Variants in NFE2L2 observed in about 807,000 individuals in gnomAD.
The protein encoded by NFE2L2 is NFE2 like bZIP transcription factor 2, also known as nuclear factor erythroid 2-related factor 2.
Under a neutral mutation model 49.6 loss-of-function variants are expected in NFE2L2, and 20 were observed. The ratio of observed to expected loss-of-function variants is 0.40; its 90% CI spans 0.28 to 0.59. The LOEUF (loss-of-function observed/expected upper bound fraction) is 0.59, where lower values mean the gene tolerates loss of function less well. NFE2L2 is among the 20% of genes least tolerant of loss of function. The pLI, the probability that NFE2L2 is intolerant of heterozygous loss-of-function variation, is 0.40. For synonymous variants in NFE2L2, 244 were observed against 256.5 expected (o/e 0.95, Z 0.47); for missense variants, 578 against 714.2 (o/e 0.81, Z 2.17).
chr2:177,247,147 A>G (rs1690160472), intron 1 of NFE2L2, among the ~76,000 whole-genome samples: 1 of 152,266 alleles, frequency 6.6e-6, no homozygotes, highest in South Asian at 2.1e-4. Context: ...ATAGCCCTAC[A>G]TAGAGACTGT....
intron 1 of NFE2L2, among the ~76,000 whole-genome samples, chr2:177,256,382 T>C (rs1245205423): frequency 6.6e-6 from 1 of 151,830 alleles, no homozygotes; most frequent in Non-Finnish European, 1.5e-5. Context: ...CAAAATTCTA[T>C]ATGCCTTAAC....
intron 1 of NFE2L2, among the ~76,000 whole-genome samples, chr2:177,243,308 A>G (rs1283427698): frequency 6.6e-6 from 1 of 152,190 alleles, no homozygotes; most frequent in African/African-American, 2.4e-5. Context: ...CTTGAGGTCA[A>G]ACAGCTTTGC....
At chr2:177,245,786 T>C (rs2105474840) in intron 1 of NFE2L2, among the ~76,000 whole-genome samples, 1 of 152,212 alleles carries the variant, frequency 6.6e-6, no homozygotes, top group East Asian at 1.9e-4. Flanking sequence ...ATTTTTGTAT[T>C]TTTAGTAGGG....
chr2:177,253,747 T>G (rs1690421705), intron 1 of NFE2L2, among the ~76,000 whole-genome samples: 1 of 152,182 alleles, frequency 6.6e-6, no homozygotes, highest in Non-Finnish European at 1.5e-5. Context: ...TCTAAATTAT[T>G]TCTTGGATAT....
At chr2:177,246,435 A>G (rs907274475) in intron 1 of NFE2L2, among the ~76,000 whole-genome samples, 1 of 152,146 alleles carries the variant, frequency 6.6e-6, no homozygotes, top group African/African-American at 2.4e-5. Context: ...GTAATTTCCC[A>G]GTTACCCTCC....
intron 1 of NFE2L2, among the ~76,000 whole-genome samples, chr2:177,247,654 G>A (rs1381635572): frequency 2.8e-5 from 4 of 142,940 alleles, no homozygotes; most frequent in African/African-American, 5.3e-5. Context: ...TCCAACCTGG[G>A]CAACAAGAGC....
rs367873142 is a variant in NFE2L2 at position 177,230,918 on chromosome 2, A to C, written c.1685T>G (p.Leu562Arg). The C allele has an allele frequency of 2.0e-5, 33 of 1,613,888 alleles. No homozygotes were observed. The African/African-American group carries it at 4.1e-4, about 20-fold the overall frequency. Residue 562 changes from leucine (L) to arginine (R), a missense_variant, in exon 5 of 5, where the codon CTC becomes CGC. Physicochemically the swap from Leu to Arg is moderately radical, Grantham distance 102. Coordinates refer to ENST00000397062, the MANE Select transcript of NFE2L2 (RefSeq NM_006164.5). The stretch of plus-strand genomic sequence containing the variant: ...ATCACGTAGCATGCTGAAAACTTCG[A>C]GATATAAGGTGCTGAGTTGTTTTTT... The part of the protein sequence containing the change: ...LLKKQLSTLY[L>R]EVFSMLRDED...
intron 1 of NFE2L2, among the ~76,000 whole-genome samples, chr2:177,263,118 G>C (rs1574288239): frequency 6.6e-6 from 1 of 152,136 alleles, no homozygotes; most frequent in South Asian, 2.1e-4. Context: ...ATTTACAAAA[G>C]AAGTTAGAAA....
rs1158151903 is a variant in NFE2L2 at position 177,261,013 on chromosome 2, T to C, written c.45+3519A>G. Among the ~76,000 whole-genome samples the C allele has an allele frequency of 1.6e-4, 24 of 151,612 alleles. 1 individual carries two copies. The highest frequency in any genetic ancestry group is 1.6e-3 in the Admixed American group (24 of 15,224). ...CAACATGGTAAAACCCCATCTCTAC[T>C]AAAAATACAAAAATTAGCCGGGCAG... On this transcript the variant is annotated intron_variant, in intron 1 of 4. Transcript: ENST00000397062.
intron 1 of NFE2L2, among the ~76,000 whole-genome samples, chr2:177,248,069 A>T (rs1008670782): frequency 5.3e-5 from 8 of 152,170 alleles, no homozygotes; most frequent in Non-Finnish European, 8.8e-5. Context: ...CAACCAACTG[A>T]CTAAGGAGAG....
At chr2:177,238,015 T>C (rs553845087) in intron 1 of NFE2L2, among the ~76,000 whole-genome samples, 59 of 152,324 alleles carry the variant, frequency 3.9e-4, no homozygotes, top group African/African-American at 1.3e-3. Flanking sequence ...GCGATCTTAA[T>C]TGAACTCTGT....
intron 1 of NFE2L2, among the ~76,000 whole-genome samples, chr2:177,249,410 G>C (rs1233378243): frequency 6.6e-6 from 1 of 152,040 alleles, no homozygotes; most frequent in Non-Finnish European, 1.5e-5. Flanking sequence ...TCTGGCCTTG[G>C]TCTTATCACT....
intron 1 of NFE2L2, chr2:177,263,728 C>T: frequency 1.0e-6 from 1 of 985,466 alleles, no homozygotes; most frequent in Non-Finnish European, 1.2e-6. Context: ...TGCCCTCGCC[C>T]GCACTTTCCC....
At chr2:177,244,777 C>T (rs879470125) in intron 1 of NFE2L2, among the ~76,000 whole-genome samples, 11 of 152,110 alleles carry the variant, frequency 7.2e-5, no homozygotes, top group Admixed American at 2.6e-4. Flanking sequence ...GAGGCCGAGG[C>T]GGGCGGATCA....
chr2:177,240,287 A>G (rs1005801160), intron 1 of NFE2L2, among the ~76,000 whole-genome samples: 1 of 152,244 alleles, frequency 6.6e-6, no homozygotes, highest in Non-Finnish European at 1.5e-5. Flanking sequence ...GGAAGGCCAC[A>G]GTACAAAGTG....
At position 177,234,246 on chromosome 2, in the gene NFE2L2, C is replaced by T. The variant is rs1574260456; in HGVS notation, c.71G>A (p.Trp24Ter). Residue 24 changes from tryptophan (W) to a stop codon, truncating the protein, a stop_gained, in exon 2 of 5, where the codon TGG becomes TAG. Transcript: ENST00000397062. LOFTEE classifies it high-confidence loss of function. ...QQDMDLIDIL[W>*]RQDIDLGVSR... ...TACTCCAAGATCTATATCTTGCCTC[C>T]AAAGTATGTCAATCAAATCCATGTC... 1 of 1,611,590 alleles carries T rather than the reference C, an allele frequency of 6.2e-7. No individual in the cohort carries two copies. Among genetic ancestry groups the T allele is most frequent in the Non-Finnish European group, 8.5e-7 (1 of 1,179,494 alleles).
intron 1 of NFE2L2, among the ~76,000 whole-genome samples, chr2:177,235,731 G>A (rs1689727945): frequency 6.6e-6 from 1 of 152,122 alleles, no homozygotes; most frequent in Non-Finnish European, 1.5e-5. Context: ...GGAGACTGAA[G>A]TGAGAGGATT....
chr2:177,242,894 GTTTTGTTTTTT>G (rs1161231135), intron 1 of NFE2L2, among the ~76,000 whole-genome samples: 16 of 150,502 alleles, frequency 1.1e-4, no homozygotes, highest in South Asian at 2.1e-4. Flanking sequence ...CCCCAAGGAG[GTTTTGTTTTTT>G]TTTTGTTTTT....
intron 1 of NFE2L2, among the ~76,000 whole-genome samples, chr2:177,243,878 G>T (rs1161515274): frequency 6.6e-6 from 1 of 151,982 alleles, no homozygotes; most frequent in Non-Finnish European, 1.5e-5. Context: ...CCAGGCTTGG[G>T]GGCTAAGTAA....
Sources: gnomAD v4.1 joint callset for allele counts (sites outside exome capture counted in the v4.1 genomes callset) on GRCh38, gnomAD v4.1.1 for gene constraint, MANE v1.5 for transcripts, NCBI Gene and HGNC (gene_info 2026-07-23, HGNC 2026-07-21) for gene names.